The following SPCS2 variants were observed in gnomAD, a reference collection of about 807,000 sequenced individuals.
SPCS2 encodes SPase 25 kDa subunit.
A neutral mutation model predicts 22.3 loss-of-function variants in SPCS2; 3 were observed. The ratio of observed to expected loss-of-function variants is 0.13; its 90% CI spans 0.06 to 0.35. SPCS2 has a LOEUF of 0.35. Ranked by LOEUF, SPCS2 falls within the 10% of genes least tolerant of loss-of-function variation. The pLI is 1.00. For missense variants in SPCS2, 169 were observed against 280.9 expected, an observed-to-expected ratio of 0.60 and a Z score of 2.85; for synonymous variants, 67 against 97.2, an observed-to-expected ratio of 0.69 and a Z score of 1.83.
intron 1 of SPCS2, among the ~76,000 whole-genome samples, chr11:74,958,064 C>T (rs1024409539): frequency 1.3e-5 from 2 of 152,168 alleles, no homozygotes; most frequent in Non-Finnish European, 2.9e-5. Flanking sequence ...AGTGATCTGG[C>T]CCTCAAAGAG....
At position 74,977,732 on chromosome 11, in the gene SPCS2, G is replaced by A. The variant is rs953914829; in HGVS notation, c.*689G>A. 6.6e-6 allele frequency: 1 copy of A among 152,530 alleles called. No individual in the cohort carries two copies. Among genetic ancestry groups the A allele is most frequent in the African/African-American group, 2.4e-5 (1 of 41,412 alleles). 9.4% of individuals were successfully genotyped at this position (152,530 alleles called of 1,614,324 possible). A position where few individuals can be genotyped will look rare whatever the true frequency, so the allele number is the denominator to read the frequency against. ...TTTTTTCAATAAAAGGAAGGAAGAT[G>A]TGAAAAAAATGGAGTCATAGTTTTG... On this transcript the variant is annotated 3_prime_UTR_variant, in exon 5 of 5. Coordinates refer to ENST00000263672, the MANE Select transcript of SPCS2 (RefSeq NM_014752.3).
intron 4 of SPCS2, among the ~76,000 whole-genome samples, chr11:74,974,202 T>C (rs1948603242): frequency 6.6e-6 from 1 of 152,208 alleles, no homozygotes; most frequent in Admixed American, 6.5e-5. Context: ...TTGTGATTCT[T>C]CATCTCCCAT....
At chr11:74,970,177 A>G (rs1948576291) in intron 4 of SPCS2, among the ~76,000 whole-genome samples, 1 of 152,216 alleles carries the variant, frequency 6.6e-6, no homozygotes. Flanking sequence ...TTTTGTAGGT[A>G]CCAAGAACTA....
Position 74,976,243 on chromosome 11 carries a change from T to A in SPCS2, c.495-614T>A, listed in dbSNP as rs1816292189. The stretch of plus-strand genomic sequence containing the variant: ...TGCTCAAGAATCTCCTAGACAATCC[T>A]GATTCAAGCACCAGAAACAAAGGGA... On this transcript the variant is annotated intron_variant, in intron 4 of 4. Transcript: ENST00000263672. 3.3e-5 allele frequency among the ~76,000 whole-genome samples: 5 copies of A among 152,222 alleles called. No individual in the cohort carries two copies. The South Asian group carries it at 1.0e-3, about 32-fold the overall frequency.
chr11:74,968,124 C>T (rs1459666853), intron 3 of SPCS2: 3 of 152,116 alleles, frequency 2.0e-5, no homozygotes, highest in Admixed American at 6.5e-5. Flanking sequence ...ACTCTAAAGT[C>T]CATATACTTT....
At chr11:74,957,246 T>G (rs1327800913) in intron 1 of SPCS2, among the ~76,000 whole-genome samples, 5 of 152,200 alleles carry the variant, frequency 3.3e-5, no homozygotes, top group African/African-American at 1.2e-4. Context: ...TTTTTTCTTT[T>G]AAAAGAATGT....
rs141596467 is a variant in SPCS2, at chr11:74,959,289, A to G, written c.115-5745A>G. 4.4e-3 allele frequency among the ~76,000 whole-genome samples: 670 copies of G among 152,332 alleles called. 5 individuals carry two copies. Among genetic ancestry groups the G allele is most frequent in the Non-Finnish European group, 7.8e-3 (530 of 68,028 alleles). Reference sequence around the variant, plus strand: ...CCACTCAGGTCTTTTATATCACTGCATAACTTCTGTTTTCACTGTGATTAA... The same window carrying G: ...CCACTCAGGTCTTTTATATCACTGCGTAACTTCTGTTTTCACTGTGATTAA... On this transcript the variant is annotated intron_variant, in intron 1 of 4. Coordinates refer to ENST00000263672, the MANE Select transcript of SPCS2 (RefSeq NM_014752.3).
intron 1 of SPCS2, among the ~76,000 whole-genome samples, chr11:74,955,841 T>C (rs1011561878): frequency 4.1e-5 from 5 of 123,140 alleles, no homozygotes; most frequent in Non-Finnish European, 6.9e-5. Context: ...TTACTTTAAT[T>C]ACTAATTAAA....
intron 4 of SPCS2, among the ~76,000 whole-genome samples, chr11:74,974,429 T>C (rs1254067771): frequency 1.3e-5 from 2 of 152,182 alleles, no homozygotes; most frequent in Non-Finnish European, 2.9e-5. Flanking sequence ...CCTCAGTTTT[T>C]CCCACTTCAA....
At position 74,977,725 on chromosome 11, in the gene SPCS2, G is replaced by T. The variant is rs1948623499; in HGVS notation, c.*682G>T. On this transcript the variant is annotated 3_prime_UTR_variant, in exon 5 of 5. Coordinates refer to ENST00000263672, the MANE Select transcript of SPCS2 (RefSeq NM_014752.3). ...CTAAAATTTTTTTCAATAAAAGGAA[G>T]GAAGATGTGAAAAAAATGGAGTCAT... The T allele has an allele frequency of 6.6e-6, 1 of 152,520 alleles. No homozygotes were observed. Among genetic ancestry groups the T allele is most frequent in the African/African-American group, 2.4e-5 (1 of 41,400 alleles). 9.4% of individuals were successfully genotyped at this position (152,520 alleles called of 1,614,324 possible).
intron 1 of SPCS2, among the ~76,000 whole-genome samples, chr11:74,955,387 C>T (rs11825444): frequency 0.025 from 3,745 of 152,082 alleles, 165 homozygotes; most frequent in African/African-American, 0.086. Flanking sequence ...ATAATTTGAC[C>T]GTTAGAATAA....
At chr11:74,951,740 G>T (rs1011395564) in intron 1 of SPCS2, among the ~76,000 whole-genome samples, 1 of 146,484 alleles carries the variant, frequency 6.8e-6, no homozygotes, top group Non-Finnish European at 1.5e-5. Context: ...AACCCGGGAG[G>T]TGGAGGTTGC....
intron 3 of SPCS2, among the ~76,000 whole-genome samples, chr11:74,966,597 C>T (rs1279005626): frequency 6.6e-6 from 1 of 152,092 alleles, no homozygotes; most frequent in Non-Finnish European, 1.5e-5. Flanking sequence ...CATTTCCTTT[C>T]CCCTCTTTTT....
intron 3 of SPCS2, chr11:74,968,309 TTTTATTTTA>T (rs1380659752): frequency 1.3e-5 from 2 of 152,010 alleles, no homozygotes; most frequent in Non-Finnish European, 2.9e-5. Flanking sequence ...TGAAATTTAT[TTTTATTTTA>T]TTTATTTTAT....
intron 2 of SPCS2, 102 bp from the exon 3 acceptor site, chr11:74,965,661 C>T: frequency 3.0e-6 from 3 of 1,013,768 alleles, no homozygotes; most frequent in Non-Finnish European, 4.3e-6. Flanking sequence ...GAGGGAACTA[C>T]TTGGTAATTC....
At chr11:74,965,207 C>T (rs1948536717) in intron 2 of SPCS2, 90 bp downstream of exon 2, 1 of 874,146 alleles carries the variant, frequency 1.1e-6, no homozygotes, top group African/African-American at 1.7e-5. Context: ...TTGGAGTGAC[C>T]TTAGTTTTCA....
intron 1 of SPCS2, among the ~76,000 whole-genome samples, chr11:74,952,094 G>T (rs1266884915): frequency 6.6e-6 from 1 of 152,152 alleles, no homozygotes; most frequent in African/African-American, 2.4e-5. Flanking sequence ...ACTGTGTAAA[G>T]TGGTTTTTAG....
At chr11:74,964,250 A>G (rs1309547378) in intron 1 of SPCS2, among the ~76,000 whole-genome samples, 3 of 152,212 alleles carry the variant, frequency 2.0e-5, no homozygotes, top group African/African-American at 7.2e-5. Flanking sequence ...CAGGGTGCTA[A>G]GTTGGCATTC....
chr11:74,953,753 A>G (rs2140213571), intron 1 of SPCS2, among the ~76,000 whole-genome samples: 1 of 152,376 alleles, frequency 6.6e-6, no homozygotes, highest in East Asian at 1.9e-4. Context: ...GACTTAGATC[A>G]TTGCAGTATG....
Sources: gnomAD v4.1 joint callset for allele counts (sites outside exome capture counted in the v4.1 genomes callset) on GRCh38, gnomAD v4.1.1 for gene constraint, MANE v1.5 for transcripts, NCBI Gene and HGNC (gene_info 2026-07-23, HGNC 2026-07-21) for gene names.